The following SRGAP1 variants were observed in gnomAD, a reference collection of about 807,000 sequenced individuals.
SRGAP1 encodes SLIT-ROBO Rho GTPase activating protein 1, also known as SLIT-ROBO Rho GTPase-activating protein 1.
A neutral mutation model predicts 121.9 loss-of-function variants in SRGAP1; 43 were observed. The observed-to-expected ratio is 0.35, with a 90% CI of 0.28 to 0.46. SRGAP1 has a LOEUF of 0.46. Ranked by LOEUF, SRGAP1 falls within the 20% of genes least tolerant of loss-of-function variation. The pLI is 1.00. For synonymous variants in SRGAP1, 447 were observed against 485.4 expected, an observed-to-expected ratio of 0.92 and a Z score of 1.04; for missense variants, 1,102 against 1,350.9, an observed-to-expected ratio of 0.82 and a Z score of 2.89.
chr12:63,956,007 C>T, intron 1 of SRGAP1, among the ~76,000 whole-genome samples: 1 of 152,110 alleles, frequency 6.6e-6, no homozygotes, highest in Non-Finnish European at 1.5e-5. Flanking sequence ...ACTGATTGTG[C>T]AACACACTTT....
chr12:63,957,797 G>A (rs1458796025), intron 1 of SRGAP1, among the ~76,000 whole-genome samples: 3 of 152,074 alleles, frequency 2.0e-5, no homozygotes, highest in Non-Finnish European at 2.9e-5. Flanking sequence ...CAGCAATTTT[G>A]TTCTTGGAGG....
intron 11 of SRGAP1, among the ~76,000 whole-genome samples, chr12:64,090,133 C>T (rs978064633): frequency 2.0e-5 from 3 of 152,164 alleles, no homozygotes; most frequent in African/African-American, 7.2e-5. Flanking sequence ...TCATTCAGCA[C>T]AGTAGTAGAA....
chr12:64,082,858 A>G (rs1360410794), intron 10 of SRGAP1, among the ~76,000 whole-genome samples: 12 of 152,168 alleles, frequency 7.9e-5, no homozygotes, highest in Admixed American at 7.9e-4. Flanking sequence ...CTGCAGAAGA[A>G]ACTGGATAGC....
chr12:64,111,716 T>G, intron 16 of SRGAP1, 46 bp from the exon 17 acceptor site: 1 of 1,498,658 alleles, frequency 6.7e-7, no homozygotes, highest in South Asian at 1.3e-5. Flanking sequence ...TATATCCTTT[T>G]TTTCTCTTTG....
At chr12:63,907,400 T>G (rs993695381) in intron 1 of SRGAP1, among the ~76,000 whole-genome samples, 1 of 152,004 alleles carries the variant, frequency 6.6e-6, no homozygotes, top group Non-Finnish European at 1.5e-5. Flanking sequence ...TAGCTGGGTG[T>G]GGTGGCAGGC....
At chr12:64,066,124 A>G (rs892519310) in intron 8 of SRGAP1, among the ~76,000 whole-genome samples, 3 of 152,246 alleles carry the variant, frequency 2.0e-5, no homozygotes, top group African/African-American at 7.2e-5. Context: ...GTATCCTCAG[A>G]CATCACTGGA....
chr12:63,884,719 C>CTT lies in SRGAP1; in HGVS notation c.67+39855_67+39856dup, dbSNP rs869188491. On this transcript the variant is annotated intron_variant, in intron 1 of 21. Coordinates refer to ENST00000355086, the MANE Select transcript of SRGAP1 (RefSeq NM_020762.4). ...TTCCCAGTCTCTGGTCACCACCATT[C>CTT]TTTTTTTTTTTTTTTTTTTTGAGAT... Among the ~76,000 whole-genome samples the CTT allele has an allele frequency of 8.5e-4, 105 of 123,850 alleles. 1 individual carries two copies. The highest frequency in any genetic ancestry group is 4.6e-3 in the Middle Eastern group (1 of 216). The allele number at this position is 123,850 out of a possible 152,430, so 81.3% of individuals were successfully genotyped here. A position where few individuals can be genotyped will look rare whatever the true frequency, so the allele number is the denominator to read the frequency against.
chr12:63,951,152 CTTTTTTTTTTTTTT>C (rs58637983), intron 1 of SRGAP1, among the ~76,000 whole-genome samples: 18 of 44,186 alleles, frequency 4.1e-4, no homozygotes, highest in South Asian at 1.5e-3. Flanking sequence ...ATTTAGAACT[CTTTTTTTTTTTTTT>C]TTTTTTTTTT....
chr12:63,961,475 T>C (rs1295799163), intron 1 of SRGAP1, among the ~76,000 whole-genome samples: 1 of 152,176 alleles, frequency 6.6e-6, no homozygotes, highest in Non-Finnish European at 1.5e-5. Context: ...TTGGGCTGTA[T>C]GGATGGGGGA....
At position 64,128,090 on chromosome 12, in the gene SRGAP1, C is replaced by T; in HGVS notation, c.2770C>T (p.His924Tyr). 2 of 1,614,148 alleles carry T rather than the reference C, an allele frequency of 1.2e-6. No homozygotes were observed. Among genetic ancestry groups the T allele is most frequent in the Non-Finnish European group, 1.7e-6 (2 of 1,180,034 alleles). ...GHGSLTNISR[H>Y]DSLKKIDSPP... The stretch of plus-strand genomic sequence containing the variant: ...TGGCAGCCTGACCAACATCAGCCGG[C>T]ACGACTCCCTCAAGAAGATCGACAG... The change falls in exon 21 of 22, where the codon CAC becomes TAC. Residue 924 changes from histidine to tyrosine, a missense_variant. His to Tyr is a moderately conservative substitution (Grantham distance 83). Transcript: ENST00000355086.
chr12:63,906,552 A>G (rs933239895), intron 1 of SRGAP1, among the ~76,000 whole-genome samples: 14 of 152,008 alleles, frequency 9.2e-5, no homozygotes, highest in Non-Finnish European at 2.1e-4. Flanking sequence ...TGACCTCGTG[A>G]TCTGCCCGCC....
chr12:63,866,302 C>G (rs1284895518), intron 1 of SRGAP1, among the ~76,000 whole-genome samples: 1 of 152,192 alleles, frequency 6.6e-6, no homozygotes, highest in African/African-American at 2.4e-5. Flanking sequence ...CTTGAAACCA[C>G]CACTGCACTG....
chr12:64,024,452 A>G (rs993763963), intron 4 of SRGAP1, among the ~76,000 whole-genome samples: 2 of 152,190 alleles, frequency 1.3e-5, no homozygotes, highest in African/African-American at 4.8e-5. Flanking sequence ...CAAAAAAAGA[A>G]AAAGAAAAAG....
At chr12:63,965,681 T>A (rs1166325570) in intron 1 of SRGAP1, among the ~76,000 whole-genome samples, 3 of 152,064 alleles carry the variant, frequency 2.0e-5, no homozygotes, top group Admixed American at 1.3e-4. Flanking sequence ...TAAATAAATT[T>A]AAAAAAACAC....
intron 6 of SRGAP1, among the ~76,000 whole-genome samples, chr12:64,046,408 G>A (rs995761250): frequency 5.9e-5 from 9 of 152,144 alleles, no homozygotes; most frequent in Admixed American, 2.0e-4. Context: ...AGGAGGACAC[G>A]AGTGAAAACA....
intron 1 of SRGAP1, among the ~76,000 whole-genome samples, chr12:63,893,022 A>G (rs1565939268): frequency 6.6e-6 from 1 of 152,216 alleles, no homozygotes. Context: ...AGAGCAACAC[A>G]GTAAATTTAA....
intron 2 of SRGAP1, among the ~76,000 whole-genome samples, chr12:63,985,859 G>T (rs746204662): frequency 2.0e-5 from 3 of 152,148 alleles, no homozygotes; most frequent in Non-Finnish European, 2.9e-5. Context: ...AGACCTGGCT[G>T]CTCAGCCTGG....
chr12:64,128,298 T>G, intron 21 of SRGAP1, 98 bp downstream of exon 21: 1 of 1,142,932 alleles, frequency 8.7e-7, no homozygotes, highest in Non-Finnish European at 1.2e-6. Context: ...TTATTTACTT[T>G]ATATTTCTGT....
intron 1 of SRGAP1, among the ~76,000 whole-genome samples, chr12:63,936,686 T>C (rs1051093837): frequency 7.2e-5 from 11 of 152,172 alleles, no homozygotes; most frequent in South Asian, 2.1e-4. Flanking sequence ...GTTTTACTTA[T>C]AGGTTTGTAA....
Sources: gnomAD v4.1 joint callset for allele counts (sites outside exome capture counted in the v4.1 genomes callset) on GRCh38, gnomAD v4.1.1 for gene constraint, MANE v1.5 for transcripts, NCBI Gene and HGNC (gene_info 2026-07-23, HGNC 2026-07-21) for gene names.